The following ZNF596 variants were observed in gnomAD, a reference collection of about 807,000 sequenced individuals.
ZNF596 encodes zinc finger protein 596.
In ZNF596, 45 loss-of-function variants were observed where a neutral mutation model predicts 48.3. The ratio of observed to expected loss-of-function variants is 0.93; its 90% CI spans 0.73 to 1.19. The LOEUF (loss-of-function observed/expected upper bound fraction) is 1.19, where lower values mean the gene tolerates loss of function less well. Ranked by LOEUF, ZNF596 falls within the 50% of genes most tolerant of loss-of-function variation. The pLI is 0.00. For synonymous variants in ZNF596, 270 were observed against 202.0 expected, an observed-to-expected ratio of 1.34 and a Z score of -2.85; for missense variants, 848 against 599.7, an observed-to-expected ratio of 1.41 and a Z score of -4.32.
intron 1 of ZNF596, among the ~76,000 whole-genome samples, chr8:238,743 G>T (rs905055725): frequency 6.6e-6 from 1 of 151,872 alleles, no homozygotes; most frequent in African/African-American, 2.4e-5. Context: ...GGAGGTGGAG[G>T]TTGCAGTGAG....
chr8:245,649 CGACAT>C lies in ZNF596; in HGVS notation c.805_809del (p.His269AspfsTer5), dbSNP rs763779250. 1.2e-5 allele frequency: 19 copies of C among 1,613,688 alleles called. No individual in the cohort carries two copies. The highest frequency in any genetic ancestry group is 1.7e-5 in the Admixed American group (1 of 59,954). On this transcript the variant is annotated frameshift_variant, in exon 6 of 6. Transcript: ENST00000398612. LOFTEE classifies it high-confidence loss of function. ...CTTCAGTAAAAGTTCTAACCTTAGA[CGACAT>C]GAGATGATTCACACTAGAGAAAAAG...
At chr8:233,191 G>A (rs1391176294) in intron 1 of ZNF596, 5 of 455,368 alleles carry the variant, frequency 1.1e-5, no homozygotes, top group Non-Finnish European at 1.8e-5. Flanking sequence ...ACCTGAGCAA[G>A]TAGTAGTGGG....
At chr8:236,933 A>T (rs1054778489) in intron 1 of ZNF596, 1 of 152,162 alleles carries the variant, frequency 6.6e-6, no homozygotes, top group African/African-American at 2.4e-5. Context: ...GGACAGGCTT[A>T]TTTTTCTCCT....
chr8:232,181 T>G (rs1286988551), upstream of ZNF596: 14 of 152,980 alleles, frequency 9.2e-5, no homozygotes, highest in Admixed American at 2.6e-4. Flanking sequence ...CCGAACGCAC[T>G]CCAACAGAAC....
intron 1 of ZNF596, chr8:237,612 A>G (rs1445239353): frequency 1.3e-5 from 2 of 152,168 alleles, no homozygotes; most frequent in African/African-American, 2.4e-5. Flanking sequence ...TACAGTTCAT[A>G]TTTACTATTT....
chr8:246,768 G>A lies in ZNF596; in HGVS notation c.*406G>A, dbSNP rs1797107098. The A allele has an allele frequency of 6.1e-6, 1 of 162,984 alleles. No homozygotes were observed. Among genetic ancestry groups the A allele is most frequent in the African/African-American group, 2.4e-5 (1 of 41,736 alleles). The allele number at this position is 162,984 out of a possible 1,614,324, so 10.1% of individuals were successfully genotyped here. ...TGTAATTGCTGTGCACTCTCATTCA[G>A]CTAAGCACCAATTTTGGTGTGTGCA... is the stretch of plus-strand genomic sequence containing the variant. On this transcript the variant is annotated 3_prime_UTR_variant, in exon 6 of 6. Transcript: ENST00000398612.
Position 247,229 on chromosome 8 carries a change from CTT to C in ZNF596, c.*869_*870del, listed in dbSNP as rs1307938874. The C allele has an allele frequency of 6.6e-6, 1 of 152,162 alleles. No individual in the cohort carries two copies. The highest frequency in any genetic ancestry group is 6.5e-5 in the Admixed American group (1 of 15,280). The allele number at this position is 152,162 out of a possible 1,614,324, so 9.4% of individuals were successfully genotyped here. A position where few individuals can be genotyped will look rare whatever the true frequency, so the allele number is the denominator to read the frequency against. On this transcript the variant is annotated 3_prime_UTR_variant, in exon 6 of 6. Coordinates refer to ENST00000398612, the MANE Select transcript of ZNF596 (RefSeq NM_001042416.3). The stretch of plus-strand genomic sequence containing the variant: ...AAAAAATTATAATTTTGAATAAAGA[CTT>C]TCTACTTAAAATATGTGGGTTGAAA...
intron 1 of ZNF596, 93 bp from the exon 2 acceptor site, chr8:240,731 T>G: frequency 4.8e-5 from 36 of 751,912 alleles, no homozygotes; most frequent in East Asian, 8.1e-5. Flanking sequence ...CATGTCCTTG[T>G]TGGTTGGACT....
intron 1 of ZNF596, among the ~76,000 whole-genome samples, chr8:238,891 G>A (rs1160387520): frequency 8.8e-6 from 1 of 114,212 alleles, no homozygotes; most frequent in Non-Finnish European, 1.8e-5. Flanking sequence ...AATGAGCTAT[G>A]AGACAACACT....
At chr8:234,266 C>T (rs999293749) in intron 1 of ZNF596, 1 of 152,168 alleles carries the variant, frequency 6.6e-6, no homozygotes, top group African/African-American at 2.4e-5. Flanking sequence ...TTGATATACC[C>T]ACAGCTGCCA....
intron 3 of ZNF596, 61 bp from the exon 4 acceptor site, chr8:243,661 A>G: frequency 6.4e-7 from 1 of 1,562,416 alleles, no homozygotes; most frequent in Non-Finnish European, 8.8e-7. Context: ...CCTGTATCTG[A>G]TAACCTTGTA....
At chr8:243,645 G>A in intron 3 of ZNF596, 77 bp from the exon 4 acceptor site, 1 of 1,442,304 alleles carries the variant, frequency 6.9e-7, no homozygotes, top group Admixed American at 1.7e-5. Flanking sequence ...CTTCCCAGTA[G>A]GCTGCCCTGT....
At chr8:241,793 G>A (rs190047398) in intron 2 of ZNF596, among the ~76,000 whole-genome samples, 1 of 152,146 alleles carries the variant, frequency 6.6e-6, no homozygotes, top group Non-Finnish European at 1.5e-5. Context: ...ATGAAGAAAA[G>A]AAGTTTAACT....
rs1797059966 is a variant in ZNF596 at position 245,917 on chromosome 8, A to G, written c.1070A>G (p.His357Arg). ...CSHLRQHERSHNGEKPHGCHL... is the reference protein window; with the variant it reads ...CSHLRQHERSRNGEKPHGCHL... ...CACCTTAGACAACATGAGCGAAGTC[A>G]CAATGGAGAGAAACCACATGGATGT... Residue 357 changes from histidine (H) to arginine (R), a missense_variant, in exon 6 of 6, where the codon CAC (histidine) becomes CGC (arginine). Transcript: ENST00000398612. The G allele has an allele frequency of 6.2e-7, 1 of 1,614,062 alleles. No homozygotes were observed. Among genetic ancestry groups the G allele is most frequent in the Admixed American group, 1.7e-5 (1 of 60,004 alleles).
intron 1 of ZNF596, among the ~76,000 whole-genome samples, chr8:236,382 T>G (rs1018252735): frequency 6.6e-6 from 1 of 152,230 alleles, no homozygotes; most frequent in Non-Finnish European, 1.5e-5. Flanking sequence ...TTGCAGCTCT[T>G]TGACTCCATT....
chr8:237,130 G>C lies in ZNF596; in HGVS notation c.-72-3694G>C, dbSNP rs868277122. ...GAAAGTAATATACATATTCATGTTGGAATATAATTATTCCCATTTCTTAGA... is the reference window on the plus strand; with the variant it reads ...GAAAGTAATATACATATTCATGTTGCAATATAATTATTCCCATTTCTTAGA... On this transcript the variant is annotated intron_variant, in intron 1 of 5. Transcript: ENST00000398612. The C allele has an allele frequency of 2.0e-5, 3 of 152,118 alleles. No individual in the cohort carries two copies. The South Asian group carries it at 6.2e-4, about 32-fold the overall frequency. 9.4% of individuals were successfully genotyped at this position (152,118 alleles called of 1,614,324 possible).
intron 1 of ZNF596, chr8:234,515 G>A (rs530286900): frequency 6.6e-6 from 1 of 152,138 alleles, no homozygotes; most frequent in Non-Finnish European, 1.5e-5. Flanking sequence ...ACTCAGCAGG[G>A]GCTTCTCAAG....
rs528278097 is a variant in ZNF596, at chr8:245,823, G to C, written c.976G>C (p.Glu326Gln). ...FSKCSYLRQH[E>Q]RTHNGEKPYE... ...TAAATGTTCTTACCTTAGACAACAT[G>C]AAAGAACTCACAATGGAGAGAAACC... The change falls in exon 6 of 6, where the codon GAA becomes CAA. Residue 326 changes from glutamate to glutamine, a missense_variant. By Grantham distance (29) the Glu-to-Gln change is conservative. Transcript: ENST00000398612. 1 of 1,613,972 alleles carries C rather than the reference G, an allele frequency of 6.2e-7. No individual in the cohort carries two copies. Among genetic ancestry groups the C allele is most frequent in the Non-Finnish European group, 8.5e-7 (1 of 1,180,006 alleles).
chr8:236,114 C>G (rs747206652), intron 1 of ZNF596, among the ~76,000 whole-genome samples: 5 of 151,970 alleles, frequency 3.3e-5, no homozygotes, highest in Non-Finnish European at 7.4e-5. Context: ...TTTTTATATC[C>G]TCATTAAGTT....
Sources: gnomAD v4.1 joint callset for allele counts (sites outside exome capture counted in the v4.1 genomes callset) on GRCh38, gnomAD v4.1.1 for gene constraint, MANE v1.5 for transcripts, NCBI Gene and HGNC (gene_info 2026-07-23, HGNC 2026-07-21) for gene names.